COL13A1: variants seen among roughly 807,000 people sequenced by gnomAD.
The protein encoded by COL13A1 is collagen alpha-1(XIII) chain.
A neutral mutation model predicts 130.9 loss-of-function variants in COL13A1; 89 were observed. The ratio of observed to expected loss-of-function variants is 0.68; its 90% CI spans 0.57 to 0.81. The LOEUF (loss-of-function observed/expected upper bound fraction) is 0.81. Among genes scored for constraint, COL13A1 ranks in the 30% least tolerant of loss-of-function variants. The pLI, the probability that COL13A1 is intolerant of heterozygous loss-of-function variation, is 0.00. For synonymous variants in COL13A1, 402 were observed against 341.6 expected (o/e 1.18, Z -1.95); for missense variants, 879 against 934.6 (o/e 0.94, Z 0.78).
rs934455878 is a variant in COL13A1 at position 69,930,446 on chromosome 10, G to A, written c.1577G>A (p.Gly526Asp). Residue 526 changes from glycine (G) to aspartate (D), a missense_variant, in exon 30 of 41, where the codon GGC becomes GAC. Gly to Asp is a moderately conservative substitution (Grantham distance 94). Coordinates refer to ENST00000645393, the MANE Select transcript of COL13A1 (RefSeq NM_001368882.1). The part of the protein sequence containing the change: ...PGDMGPPGPQ[G>D]PPGKDGPPGV... ...GACATGGGCCCTCCTGGTCCCCAAG[G>A]CCCCCCAGGAAAGGATGGACCTCCA... The A allele has an allele frequency of 6.2e-7, 1 of 1,613,522 alleles. No homozygotes were observed. The highest frequency in any genetic ancestry group is 1.3e-5 in the African/African-American group (1 of 74,894).
At chr10:69,933,938 G>T (rs1193029537) in intron 31 of COL13A1, among the ~76,000 whole-genome samples, 1 of 152,112 alleles carries the variant, frequency 6.6e-6, no homozygotes, top group African/African-American at 2.4e-5. Flanking sequence ...CAGGAAGCTG[G>T]TGGCGAACAT....
intron 1 of COL13A1, among the ~76,000 whole-genome samples, chr10:69,822,113 T>C (rs1165078500): frequency 6.6e-6 from 1 of 152,318 alleles, no homozygotes; most frequent in African/African-American, 2.4e-5. Context: ...TATAGGATCC[T>C]GTGTTTGGGG....
intron 10 of COL13A1, among the ~76,000 whole-genome samples, chr10:69,892,522 G>A (rs540370484): frequency 2.8e-4 from 42 of 152,324 alleles, no homozygotes; most frequent in Admixed American, 9.8e-4. Flanking sequence ...GCAAGGCCTG[G>A]ACTGAGTCCA....
chr10:69,884,174 G>T (rs1041553064), intron 7 of COL13A1, among the ~76,000 whole-genome samples: 1 of 152,222 alleles, frequency 6.6e-6, no homozygotes, highest in Middle Eastern at 3.2e-3. Context: ...GGAAGTCAGA[G>T]CATGTGGTCT....
intron 2 of COL13A1, among the ~76,000 whole-genome samples, chr10:69,849,074 G>A (rs1444204712): frequency 6.6e-6 from 1 of 152,200 alleles, no homozygotes; most frequent in South Asian, 2.1e-4. Context: ...TTCTCTTAAC[G>A]ATTTTACCAA....
intron 2 of COL13A1, among the ~76,000 whole-genome samples, chr10:69,852,485 C>T (rs1039343653): frequency 2.0e-5 from 3 of 152,274 alleles, no homozygotes; most frequent in Non-Finnish European, 4.4e-5. Flanking sequence ...TGCCCAAGCT[C>T]GACTGCTAGA....
In COL13A1 at chr10:69,897,629, G is replaced by A. The variant is rs186436614; in HGVS notation, c.685-1068G>A. On this transcript the variant is annotated intron_variant, in intron 13 of 40. Coordinates refer to ENST00000645393, the MANE Select transcript of COL13A1 (RefSeq NM_001368882.1). ...ACATCCCCAGGCCCCGGCAGTGGGA[G>A]CGGGTGGAGCTCTGTGTGCCACTGC... The A allele has an allele frequency of 1.2e-3, 1,636 of 1,355,402 alleles. 6 individuals are homozygous for A. The highest frequency in any genetic ancestry group is 1.5e-3 in the Non-Finnish European group (1,482 of 969,804). The allele number at this position is 1,355,402 out of a possible 1,614,324, so 84.0% of individuals were successfully genotyped here.
intron 2 of COL13A1, among the ~76,000 whole-genome samples, chr10:69,850,368 G>T (rs938450221): frequency 1.3e-5 from 1 of 75,148 alleles, no homozygotes; most frequent in East Asian, 6.1e-4. Flanking sequence ...CAAAGCCTCG[G>T]CCCTGTCTCT....
intron 1 of COL13A1, 126 bp from the exon 2 acceptor site, chr10:69,822,243 C>G (rs1846272696): frequency 1.6e-6 from 1 of 641,320 alleles, no homozygotes; most frequent in Admixed American, 3.7e-5. Flanking sequence ...AACTGCCTGT[C>G]TTTGATCCAG....
At chr10:69,853,814 G>C (rs757366648) in intron 2 of COL13A1, among the ~76,000 whole-genome samples, 1 of 152,116 alleles carries the variant, frequency 6.6e-6, no homozygotes, top group South Asian at 2.1e-4. Context: ...ACCATATTCC[G>C]TGCACACCGA....
chr10:69,818,174 G>C (rs1387613138), intron 1 of COL13A1, among the ~76,000 whole-genome samples: 1 of 152,118 alleles, frequency 6.6e-6, no homozygotes, highest in African/African-American at 2.4e-5. Flanking sequence ...ATGTCCTAGG[G>C]GTGGCATCTT....
intron 2 of COL13A1, among the ~76,000 whole-genome samples, chr10:69,837,803 C>A (rs559122716): frequency 1.4e-5 from 1 of 73,804 alleles, no homozygotes; most frequent in South Asian, 7.2e-4. Flanking sequence ...AATAAATAAA[C>A]GCAGAGAAGA....
intron 2 of COL13A1, among the ~76,000 whole-genome samples, chr10:69,837,086 G>A (rs1322487803): frequency 6.6e-6 from 1 of 152,098 alleles, no homozygotes; most frequent in African/African-American, 2.4e-5. Flanking sequence ...CCGGCTCCAG[G>A]GTGCCCAGGG....
At chr10:69,887,765 A>G (rs2060741386) in intron 8 of COL13A1, among the ~76,000 whole-genome samples, 1 of 152,202 alleles carries the variant, frequency 6.6e-6, no homozygotes, top group African/African-American at 2.4e-5. Context: ...GATAAACCCC[A>G]GCATTGACCT....
intron 37 of COL13A1, among the ~76,000 whole-genome samples, chr10:69,946,001 T>G (rs562700497): frequency 6.8e-6 from 1 of 146,220 alleles, no homozygotes; most frequent in East Asian, 2.0e-4. Context: ...ACCCAGGAGG[T>G]GGAGGTTGCA....
At chr10:69,921,441 G>T (rs1022618350) in intron 21 of COL13A1, among the ~76,000 whole-genome samples, 3 of 152,210 alleles carry the variant, frequency 2.0e-5, no homozygotes, top group Non-Finnish European at 4.4e-5. Flanking sequence ...AGAAGGGGGT[G>T]CCAGAAAAGA....
intron 34 of COL13A1, among the ~76,000 whole-genome samples, chr10:69,938,131 C>T (rs1363883712): frequency 1.3e-5 from 2 of 152,236 alleles, no homozygotes; most frequent in African/African-American, 2.4e-5. Flanking sequence ...TTGCTCCCCC[C>T]TCTTAAGCAC....
At chr10:69,876,578 G>T (rs549619860) in intron 5 of COL13A1, among the ~76,000 whole-genome samples, 1 of 152,144 alleles carries the variant, frequency 6.6e-6, no homozygotes, top group South Asian at 2.1e-4. Context: ...ATTGCTGCCC[G>T]GCCCTGTCTG....
At chr10:69,836,068 G>GA (rs1849962464) in intron 2 of COL13A1, among the ~76,000 whole-genome samples, 1 of 152,196 alleles carries the variant, frequency 6.6e-6, no homozygotes, top group Non-Finnish European at 1.5e-5. Flanking sequence ...AGCAGCATCA[G>GA]AAGCTCCCCC....
Sources: allele counts gnomAD v4.1 joint callset (sites outside exome capture counted in the v4.1 genomes callset), GRCh38; gene constraint gnomAD v4.1.1; transcripts MANE v1.5; gene names NCBI Gene and HGNC (gene_info 2026-07-23, HGNC 2026-07-21).